Variants in AFF1 observed in about 807,000 individuals in gnomAD.
The protein encoded by AFF1 is ALF transcription elongation factor 1, also known as AF4/FMR2 family member 1.
Under a neutral mutation model 121.7 loss-of-function variants are expected in AFF1, and 48 were observed. The observed-to-expected ratio is 0.39, with a 90% CI of 0.31 to 0.50. The LOEUF is 0.50. AFF1 is among the 20% of genes least tolerant of loss of function. The probability of loss-of-function intolerance (pLI) is 0.76; values close to 1 mark genes in which losing one functional copy is unlikely to be tolerated. For synonymous variants in AFF1, 613 were observed against 563.0 expected, an observed-to-expected ratio of 1.09 and a Z score of -1.26; for missense variants, 1,523 against 1,511.7, an observed-to-expected ratio of 1.01 and a Z score of -0.12.
rs1422788129 is a variant in AFF1 at position 87,139,919 on chromosome 4, A to G, written c.*4218A>G. The stretch of plus-strand genomic sequence containing the variant: ...AGTTCTTAATTATGGTGAGTTGACA[A>G]ATACCAACTACTGCTTTTCTTTAGG... On this transcript the variant is annotated 3_prime_UTR_variant, in exon 21 of 21. Coordinates refer to ENST00000395146, the MANE Select transcript of AFF1 (RefSeq NM_001166693.3). 1.4e-5 allele frequency: 3 copies of G among 217,966 alleles called. No individual in the cohort carries two copies. The highest frequency in any genetic ancestry group is 6.7e-5 in the East Asian group (1 of 14,860). 13.5% of individuals were successfully genotyped at this position (217,966 alleles called of 1,614,324 possible). A position where few individuals can be genotyped will look rare whatever the true frequency, so the allele number is the denominator to read the frequency against.
At chr4:87,044,651 G>A (rs190978604) in intron 2 of AFF1, among the ~76,000 whole-genome samples, 1 of 152,284 alleles carries the variant, frequency 6.6e-6, no homozygotes, top group Admixed American at 6.5e-5. Flanking sequence ...TGAGGAATGG[G>A]GAGTAGTCAG....
At chr4:86,950,153 C>T in intron 2 of AFF1, 1 of 1,465,844 alleles carries the variant, frequency 6.8e-7, no homozygotes, top group Admixed American at 1.7e-5. Context: ...CCGGACAAGG[C>T]AGATGCTGCC....
chr4:87,007,598 G>A (rs777099239), intron 2 of AFF1, among the ~76,000 whole-genome samples: 1 of 152,202 alleles, frequency 6.6e-6, no homozygotes, highest in Non-Finnish European at 1.5e-5. Flanking sequence ...GCAGTTTGGA[G>A]AACATGCTGG....
chr4:87,023,467 T>C (rs1400940801), intron 2 of AFF1, among the ~76,000 whole-genome samples: 2 of 152,242 alleles, frequency 1.3e-5, no homozygotes, highest in Admixed American at 1.3e-4. Flanking sequence ...ACTTAAATTA[T>C]TCATTTATTT....
At position 86,962,073 on chromosome 4, in the gene AFF1, C is replaced by T. The variant is rs550112882; in HGVS notation, c.38+13502C>T. On this transcript the variant is annotated intron_variant, in intron 2 of 20. Coordinates refer to ENST00000395146, the MANE Select transcript of AFF1 (RefSeq NM_001166693.3). ...GTGTTCCTCAATAGCTGGTAAAGGACAAAGCCAGGGAGTTGAGAGCAAAGG... is the reference window on the plus strand; with the variant it reads ...GTGTTCCTCAATAGCTGGTAAAGGATAAAGCCAGGGAGTTGAGAGCAAAGG... Among the ~76,000 whole-genome samples, 32 of 151,228 alleles carry T rather than the reference C, an allele frequency of 2.1e-4. No individual in the cohort carries two copies. In the South Asian group the frequency reaches 6.5e-3, roughly 31 times the overall value.
intron 15 of AFF1, 54 bp downstream of exon 15, chr4:87,127,171 C>CT (rs1560657560): frequency 1.9e-5 from 25 of 1,296,192 alleles, no homozygotes; most frequent in East Asian, 1.1e-4. Context: ...TTGCTTCCCC[C>CT]CCCCACCAAG....
intron 2 of AFF1, among the ~76,000 whole-genome samples, chr4:87,036,165 G>A (rs1290745855): frequency 6.6e-6 from 1 of 152,182 alleles, no homozygotes; most frequent in Admixed American, 6.5e-5. Flanking sequence ...TAAATAACTA[G>A]TCAGGTGACA....
chr4:87,007,470 G>A (rs1475549536), intron 2 of AFF1: 1 of 1,613,496 alleles, frequency 6.2e-7, no homozygotes, highest in Admixed American at 1.7e-5. Flanking sequence ...TCGTGGCGAG[G>A]GGAGCTGAAG....
At chr4:87,033,369 A>G (rs1729251417) in intron 2 of AFF1, among the ~76,000 whole-genome samples, 1 of 152,150 alleles carries the variant, frequency 6.6e-6, no homozygotes, top group Non-Finnish European at 1.5e-5. Context: ...CCCAGTTTCA[A>G]AGGTTTTTCT....
intron 2 of AFF1, among the ~76,000 whole-genome samples, chr4:87,033,005 C>T (rs1002086839): frequency 6.6e-6 from 1 of 152,084 alleles, no homozygotes; most frequent in Non-Finnish European, 1.5e-5. Flanking sequence ...TAAAAATTAG[C>T]TGGGCATGAT....
chr4:87,063,683 C>T (rs1233094651), intron 4 of AFF1, among the ~76,000 whole-genome samples: 1 of 152,132 alleles, frequency 6.6e-6, no homozygotes, highest in African/African-American at 2.4e-5. Flanking sequence ...GTTCATTCTA[C>T]TTCACATTTA....
rs1553916007 is a variant in AFF1, at chr4:87,006,943, CAG to C, written c.39-39222_39-39221del. 4.8e-3 allele frequency: 4,960 copies of C among 1,024,528 alleles called. 18 individuals are homozygous for C. Among genetic ancestry groups the C allele is most frequent in the Non-Finnish European group, 5.4e-3 (4,619 of 852,410 alleles). The allele number at this position is 1,024,528 out of a possible 1,614,324, so 63.5% of individuals were successfully genotyped here. A position where few individuals can be genotyped will look rare whatever the true frequency, so the allele number is the denominator to read the frequency against. ...GGCCGTACCACCGCAACTTTCTTGA[CAG>C]GGGGTATCCCGGCGGACTCGGACAA... is the stretch of plus-strand genomic sequence containing the variant. On this transcript the variant is annotated intron_variant, in intron 2 of 20. Transcript: ENST00000395146.
At chr4:86,969,104 T>G (rs1000938211) in intron 2 of AFF1, among the ~76,000 whole-genome samples, 1 of 152,228 alleles carries the variant, frequency 6.6e-6, no homozygotes, top group Non-Finnish European at 1.5e-5. Context: ...CATCAGCTTC[T>G]GCTCAGTTCA....
intron 2 of AFF1, among the ~76,000 whole-genome samples, chr4:86,954,896 G>C (rs1721630413): frequency 1.3e-5 from 2 of 152,054 alleles, no homozygotes; most frequent in Non-Finnish European, 2.9e-5. Context: ...AGCCCATGGG[G>C]TATTTTTATT....
chr4:86,948,943 G>A (rs1265921393), intron 2 of AFF1, among the ~76,000 whole-genome samples: 1 of 152,094 alleles, frequency 6.6e-6, no homozygotes, highest in African/African-American at 2.4e-5. Flanking sequence ...TGAAAGCTGT[G>A]AAGGAGGGAA....
intron 4 of AFF1, among the ~76,000 whole-genome samples, chr4:87,053,786 A>G (rs1731491539): frequency 1.3e-5 from 2 of 152,258 alleles, no homozygotes; most frequent in Admixed American, 1.3e-4. Flanking sequence ...GACATTAGTC[A>G]AGTAATCACT....
chr4:87,038,665 T>C (rs971245386), intron 2 of AFF1, among the ~76,000 whole-genome samples: 4 of 152,218 alleles, frequency 2.6e-5, no homozygotes, highest in Admixed American at 1.3e-4. Context: ...ATTGCCGAAC[T>C]TTTGTGTTTA....
rs958966423 is a variant in AFF1 at position 87,136,372 on chromosome 4, A to T, written c.*671A>T. 1.3e-5 allele frequency: 3 copies of T among 232,040 alleles called. No homozygotes were observed. In the Admixed American group the frequency reaches 1.7e-4, roughly 13 times the overall value. 14.4% of individuals were successfully genotyped at this position (232,040 alleles called of 1,614,324 possible). On this transcript the variant is annotated 3_prime_UTR_variant, in exon 21 of 21. Transcript: ENST00000395146. The stretch of plus-strand genomic sequence containing the variant: ...CTCCCCATTGCCTAGAGCGCTGCAC[A>T]TTGACCCCAGCTCTGACTTCTCATT...
intron 4 of AFF1, among the ~76,000 whole-genome samples, chr4:87,073,323 G>A (rs1370744668): frequency 2.1e-5 from 3 of 141,238 alleles, no homozygotes; most frequent in East Asian, 4.1e-4. Flanking sequence ...AAGCGGGGGC[G>A]GAGGATTTAC....
Sources: gnomAD v4.1 joint callset for allele counts (sites outside exome capture counted in the v4.1 genomes callset) on GRCh38, gnomAD v4.1.1 for gene constraint, MANE v1.5 for transcripts, NCBI Gene and HGNC (gene_info 2026-07-23, HGNC 2026-07-21) for gene names.